Variants in PTPRM observed in about 807,000 individuals in gnomAD.
PTPRM encodes the protein receptor-type tyrosine-protein phosphatase mu.
PTPRM carries 47 observed loss-of-function variants against 186.7 expected under a neutral mutation model. The observed-to-expected ratio is 0.25, with a 90% confidence interval of 0.20 to 0.32. The LOEUF (loss-of-function observed/expected upper bound fraction) is 0.32. Among genes scored for constraint, PTPRM ranks in the 10% least tolerant of loss-of-function variants. The pLI is 1.00. For synonymous variants in PTPRM, 668 were observed against 674.9 expected, an observed-to-expected ratio of 0.99 and a Z score of 0.16; for missense variants, 1,494 against 1,865.0, an observed-to-expected ratio of 0.80 and a Z score of 3.66.
At chr18:7,672,375 A>G (rs985136751) in intron 1 of PTPRM, among the ~76,000 whole-genome samples, 2 of 152,188 alleles carry the variant, frequency 1.3e-5, no homozygotes, top group African/African-American at 4.8e-5. Context: ...AAAGAAAAAT[A>G]TTTATTGGCA....
At chr18:8,021,450 C>T (rs1416948797) in intron 7 of PTPRM, among the ~76,000 whole-genome samples, 2 of 151,832 alleles carry the variant, frequency 1.3e-5, no homozygotes, top group African/African-American at 2.4e-5. Context: ...TTTGCTGCAC[C>T]TATCAACCCG....
chr18:8,271,366 C>A (rs914585408), intron 19 of PTPRM, among the ~76,000 whole-genome samples: 2 of 151,680 alleles, frequency 1.3e-5, no homozygotes, highest in Admixed American at 1.3e-4. Context: ...AACCCTTCAT[C>A]CTTGGGATAA....
At chr18:8,243,827 G>A (rs2094453599) in intron 14 of PTPRM, among the ~76,000 whole-genome samples, 1 of 152,110 alleles carries the variant, frequency 6.6e-6, no homozygotes, top group Admixed American at 6.6e-5. Flanking sequence ...CTTTCTGGTT[G>A]TTTGGGGTTT....
intron 13 of PTPRM, among the ~76,000 whole-genome samples, chr18:8,134,477 G>A (rs112230504): frequency 2.0e-5 from 3 of 151,980 alleles, no homozygotes; most frequent in Non-Finnish European, 4.4e-5. Context: ...ATCCTTCTTC[G>A]TAGTCCTTCT....
rs2042462837 is a variant in PTPRM, at chr18:7,774,015, C to CTCG, written c.74-133_74-132insCGT. ...TCACTAAGTGTTGGATGCACAGCTC[C>CTCG]TGAGTGGAAAGACCTAATCAGATTT... On this transcript the variant is annotated intron_variant, in intron 1 of 32. Coordinates refer to ENST00000580170, the MANE Select transcript of PTPRM (RefSeq NM_001105244.2). The CTCG allele has an allele frequency of 1.2e-5, 10 of 852,818 alleles. No individual in the cohort carries two copies. In the East Asian group the frequency reaches 2.7e-4, roughly 23 times the overall value. 52.8% of individuals were successfully genotyped at this position (852,818 alleles called of 1,614,324 possible).
chr18:8,208,849 A>G (rs570734412), intron 14 of PTPRM, among the ~76,000 whole-genome samples: 5 of 152,318 alleles, frequency 3.3e-5, no homozygotes, highest in Middle Eastern at 3.4e-3. Flanking sequence ...ATAAAGAGGA[A>G]GGAAGCCATG....
intron 30 of PTPRM, 62 bp downstream of exon 30, chr18:8,384,748 A>G (rs944642270): frequency 6.3e-6 from 10 of 1,588,416 alleles, no homozygotes; most frequent in African/African-American, 1.3e-5. Flanking sequence ...CTCACTGAAT[A>G]CTTGGAGCAC....
intron 1 of PTPRM, among the ~76,000 whole-genome samples, chr18:7,718,873 A>G (rs1292244602): frequency 6.6e-6 from 1 of 152,144 alleles, no homozygotes; most frequent in African/African-American, 2.4e-5. Context: ...AAGAATGGCC[A>G]TAATTTAAAA....
intron 13 of PTPRM, among the ~76,000 whole-genome samples, chr18:8,131,256 G>A (rs750293956): frequency 1.3e-5 from 2 of 152,142 alleles, no homozygotes; most frequent in Non-Finnish European, 2.9e-5. Context: ...GCAAGAGAGG[G>A]ACATTATTAT....
intron 19 of PTPRM, among the ~76,000 whole-genome samples, chr18:8,289,561 C>T (rs10221394): frequency 0.071 from 5,428 of 76,572 alleles, 506 homozygotes; most frequent in African/African-American, 0.21. Context: ...CATATATATA[C>T]ACATATATAT....
intron 1 of PTPRM, among the ~76,000 whole-genome samples, chr18:7,699,120 G>A (rs1328850432): frequency 6.6e-6 from 1 of 152,192 alleles, no homozygotes; most frequent in East Asian, 1.9e-4. Context: ...TGTGAACTGC[G>A]CATATGAGGG....
chr18:7,908,144 G>A lies in PTPRM; in HGVS notation c.547+1561G>A, dbSNP rs528620373. Among the ~76,000 whole-genome samples, 3 of 152,198 alleles carry A rather than the reference G, an allele frequency of 2.0e-5. No individual in the cohort carries two copies. The East Asian group carries it at 5.8e-4, about 29-fold the overall frequency. ...AGAGACGTTCTTAGTTTTATTGGGT[G>A]CTGCCAAAATGCTATGAAGTGTCTG... On this transcript the variant is annotated intron_variant, in intron 4 of 32. Coordinates refer to ENST00000580170, the MANE Select transcript of PTPRM (RefSeq NM_001105244.2).
intron 14 of PTPRM, among the ~76,000 whole-genome samples, chr18:8,151,550 C>T (rs892712246): frequency 7.2e-5 from 10 of 139,192 alleles, no homozygotes; most frequent in Middle Eastern, 3.9e-3. Context: ...GCAAGAATTT[C>T]AAGCCAATGG....
intron 19 of PTPRM, among the ~76,000 whole-genome samples, chr18:8,263,611 A>T (rs1028827918): frequency 1.3e-5 from 2 of 152,188 alleles, no homozygotes; most frequent in Non-Finnish European, 2.9e-5. Context: ...AGCTAGCCTC[A>T]GGATGGGGTG....
chr18:7,846,336 T>A (rs2046595080), intron 2 of PTPRM, among the ~76,000 whole-genome samples: 1 of 152,240 alleles, frequency 6.6e-6, no homozygotes, highest in South Asian at 2.1e-4. Flanking sequence ...AAGGAAAATG[T>A]TTATATTACT....
At position 8,036,737 on chromosome 18, in the gene PTPRM, C is replaced by T. The variant is rs143778950; in HGVS notation, c.1133-32949C>T. 2.0e-5 allele frequency among the ~76,000 whole-genome samples: 3 copies of T among 152,302 alleles called. No homozygotes were observed. The East Asian group carries it at 5.8e-4, about 29-fold the overall frequency. ...CTCTCTGACTTCTGCACCATTTCCTCCCCTGTTACCTGAGCTCCTGCAACA... is the reference window on the plus strand; with the variant it reads ...CTCTCTGACTTCTGCACCATTTCCTTCCCTGTTACCTGAGCTCCTGCAACA... On this transcript the variant is annotated intron_variant, in intron 7 of 32. Coordinates refer to ENST00000580170, the MANE Select transcript of PTPRM (RefSeq NM_001105244.2).
chr18:7,602,944 T>TATTATTATTATA (rs71165749), intron 1 of PTPRM, among the ~76,000 whole-genome samples: 1 of 148,238 alleles, frequency 6.7e-6, no homozygotes, highest in Non-Finnish European at 1.5e-5. Context: ...TTATTATTAT[T>TATTATTATTATA]TGAGGCGGAG....
rs116516107 is a variant in PTPRM, at chr18:7,663,078, G to C, written c.73+95187G>C. On this transcript the variant is annotated intron_variant, in intron 1 of 32. Transcript: ENST00000580170. ...CAGCACATTGGTCATGGGCCAGGAC[G>C]TGGACTCTGAGGGCTAAGTGACTGG... 4.6e-3 allele frequency among the ~76,000 whole-genome samples: 695 copies of C among 152,222 alleles called. 6 individuals are homozygous for C. Among genetic ancestry groups the C allele is most frequent in the African/African-American group, 0.016 (658 of 41,524 alleles).
In PTPRM at chr18:7,888,228, A is replaced by T. The variant is rs2048884307; in HGVS notation, c.319A>T (p.Ser107Cys). The change falls in exon 3 of 33, where the codon AGT (serine) becomes TGT (cysteine). Residue 107 changes from serine to cysteine, a missense_variant. Transcript: ENST00000580170. The part of the protein sequence containing the change: ...IDFHYFVSSK[S>C]NSPPGLLNVY... ...TTTTCACTATTTTGTGTCCAGCAAG[A>T]GTAATTCTCCTCCGGGGTTACTCAA... The T allele has an allele frequency of 1.9e-6, 3 of 1,614,180 alleles. No homozygotes were observed. The highest frequency in any genetic ancestry group is 2.5e-6 in the Non-Finnish European group (3 of 1,180,036).
Sources: allele counts gnomAD v4.1 joint callset (sites outside exome capture counted in the v4.1 genomes callset), GRCh38; gene constraint gnomAD v4.1.1; transcripts MANE v1.5; gene names NCBI Gene and HGNC (gene_info 2026-07-23, HGNC 2026-07-21).